The following BNIP3L variants were observed in gnomAD, a reference collection of about 807,000 sequenced individuals.
The protein encoded by BNIP3L is BCL2/adenovirus E1B 19 kDa protein-interacting protein 3-like.
A neutral mutation model predicts 25.5 loss-of-function variants in BNIP3L; 10 were observed. That is an observed-to-expected ratio of 0.39 (90% CI 0.24 to 0.67). BNIP3L has a LOEUF of 0.67. BNIP3L is among the 30% of genes least tolerant of loss of function. The pLI, the probability that BNIP3L is intolerant of heterozygous loss-of-function variation, is 0.45. For synonymous variants in BNIP3L, 113 were observed against 101.2 expected (o/e 1.12, Z -0.70); for missense variants, 215 against 270.9 (o/e 0.79, Z 1.45).
intron 1 of BNIP3L, among the ~76,000 whole-genome samples, chr8:26,383,677 G>A (rs979904733): frequency 6.7e-6 from 1 of 150,302 alleles, no homozygotes; most frequent in African/African-American, 2.4e-5. Flanking sequence ...GGCTGCCGCG[G>A]GACGTGTCGG....
chr8:26,402,874 A>G (rs186484227), intron 3 of BNIP3L, among the ~76,000 whole-genome samples: 3 of 152,366 alleles, frequency 2.0e-5, no homozygotes, highest in African/African-American at 4.8e-5. Context: ...TAAGAACTTA[A>G]TAACTCCGTG....
At chr8:26,393,526 G>A (rs1421309479) in intron 2 of BNIP3L, among the ~76,000 whole-genome samples, 1 of 151,630 alleles carries the variant, frequency 6.6e-6, no homozygotes, top group Non-Finnish European at 1.5e-5. Context: ...ATTCTAATAT[G>A]TGCCATGGGT....
intron 5 of BNIP3L, among the ~76,000 whole-genome samples, chr8:26,409,889 C>T (rs1216126237): frequency 2.0e-5 from 3 of 152,064 alleles, no homozygotes; most frequent in Non-Finnish European, 4.4e-5. Flanking sequence ...GCCCCTAATC[C>T]TTAGGAGTTA....
chr8:26,392,116 C>T (rs532686935), intron 2 of BNIP3L, among the ~76,000 whole-genome samples: 47 of 150,308 alleles, frequency 3.1e-4, no homozygotes, highest in African/African-American at 1.0e-3. Context: ...AAGAATACAA[C>T]GAGATATGTG....
intron 3 of BNIP3L, among the ~76,000 whole-genome samples, chr8:26,407,310 C>T (rs1424292678): frequency 5.3e-5 from 8 of 152,024 alleles, no homozygotes; most frequent in African/African-American, 1.9e-4. Flanking sequence ...CTCAGCCTCC[C>T]GAGTAGCTGG....
At chr8:26,401,666 A>G (rs1023957816) in intron 3 of BNIP3L, among the ~76,000 whole-genome samples, 2 of 151,896 alleles carry the variant, frequency 1.3e-5, no homozygotes, top group African/African-American at 2.4e-5. Context: ...AGAACTAGAC[A>G]TGAAGACTTT....
At chr8:26,383,270 G>A (rs1266836111) in intron 1 of BNIP3L, 40 bp downstream of exon 1, 2 of 1,581,262 alleles carry the variant, frequency 1.3e-6, no homozygotes, top group Non-Finnish European at 1.7e-6. Flanking sequence ...GGATGGGGGA[G>A]GAGGAGCAGC....
At chr8:26,391,041 C>A (rs1806095748) in intron 1 of BNIP3L, among the ~76,000 whole-genome samples, 1 of 151,944 alleles carries the variant, frequency 6.6e-6, no homozygotes, top group African/African-American at 2.4e-5. Flanking sequence ...AGCTGTTTCT[C>A]AGTTGATGGC....
At chr8:26,384,726 C>CTTTTTTTTTTTTTTTTTTT (rs1563336450) in intron 1 of BNIP3L, among the ~76,000 whole-genome samples, 2 of 95,656 alleles carry the variant, frequency 2.1e-5, no homozygotes, top group Non-Finnish European at 2.0e-5. Context: ...CTTTTGAGGA[C>CTTTTTTTTTTTTTTTTTTT]ATTTTTTTTT....
intron 3 of BNIP3L, among the ~76,000 whole-genome samples, chr8:26,401,781 A>G (rs180866349): frequency 9.2e-5 from 14 of 152,280 alleles, no homozygotes; most frequent in South Asian, 6.2e-4. Context: ...GGAGTTGACA[A>G]TGTTGGAAAC....
chr8:26,391,560 TATTGCA>T, intron 2 of BNIP3L, 134 bp downstream of exon 2: 7 of 686,732 alleles, frequency 1.0e-5, no homozygotes, highest in Non-Finnish European at 1.5e-5. Context: ...GTATAATATA[TATTGCA>T]CAGATATATA....
rs775071831 is a variant in BNIP3L, at chr8:26,383,260, G to A, written c.100+30G>A. 23 of 1,589,032 alleles carry A rather than the reference G, an allele frequency of 1.4e-5. No homozygotes were observed. In the Admixed American group the frequency reaches 4.0e-4, roughly 27 times the overall value. ...GTGCGGGGCCGAGGCTCTGTGAAGGGGATGGGGGAGGAGGAGCAGCCCCGG... is the reference window on the plus strand; with the variant it reads ...GTGCGGGGCCGAGGCTCTGTGAAGGAGATGGGGGAGGAGGAGCAGCCCCGG... On this transcript the variant is annotated intron_variant, in intron 1 of 5. Coordinates refer to ENST00000380629, the MANE Select transcript of BNIP3L (RefSeq NM_004331.3).
chr8:26,402,595 C>T (rs746956272), intron 3 of BNIP3L, among the ~76,000 whole-genome samples: 26 of 152,130 alleles, frequency 1.7e-4, no homozygotes, highest in Non-Finnish European at 3.1e-4. Flanking sequence ...CCTTAGTAGT[C>T]GCATGAGTAA....
intron 3 of BNIP3L, among the ~76,000 whole-genome samples, chr8:26,402,405 G>C (rs547768181): frequency 2.0e-5 from 3 of 152,196 alleles, no homozygotes; most frequent in Non-Finnish European, 4.4e-5. Context: ...CGGAATCCAG[G>C]AGAGAAATCG....
intron 1 of BNIP3L, among the ~76,000 whole-genome samples, chr8:26,388,044 A>G (rs1392254660): frequency 1.3e-5 from 2 of 152,234 alleles, no homozygotes; most frequent in African/African-American, 4.8e-5. Context: ...CCATTTCTTT[A>G]TAAAAACAAA....
chr8:26,401,435 A>C (rs1806369979), intron 3 of BNIP3L, among the ~76,000 whole-genome samples: 1 of 151,756 alleles, frequency 6.6e-6, no homozygotes, highest in Non-Finnish European at 1.5e-5. Context: ...GGGAGGGGGG[A>C]AGGATAGCAT....
At chr8:26,384,138 C>T (rs192587589) in intron 1 of BNIP3L, among the ~76,000 whole-genome samples, 41 of 152,274 alleles carry the variant, frequency 2.7e-4, no homozygotes, top group Non-Finnish European at 4.7e-4. Context: ...GTCGTGAGAA[C>T]CGGGAGCCTT....
chr8:26,399,260 AAT>A (rs1249041607), intron 3 of BNIP3L, among the ~76,000 whole-genome samples: 1 of 72,682 alleles, frequency 1.4e-5, no homozygotes, highest in African/African-American at 6.2e-5. Context: ...AGGCTGGTTC[AAT>A]ATACACAAAT....
intron 5 of BNIP3L, among the ~76,000 whole-genome samples, chr8:26,408,626 C>A (rs1563343877): frequency 6.6e-6 from 1 of 152,122 alleles, no homozygotes; most frequent in Non-Finnish European, 1.5e-5. Context: ...AATCCCAGCA[C>A]TTTGGGAGGC....
Sources: gnomAD v4.1 joint callset for allele counts (sites outside exome capture counted in the v4.1 genomes callset) on GRCh38, gnomAD v4.1.1 for gene constraint, MANE v1.5 for transcripts, NCBI Gene and HGNC (gene_info 2026-07-23, HGNC 2026-07-21) for gene names.